The following STAC2 variants were observed in gnomAD, a reference collection of about 807,000 sequenced individuals.
The protein encoded by STAC2 is SH3 and cysteine-rich domain-containing protein 2.
STAC2 carries 36 observed loss-of-function variants against 49.0 expected under a neutral mutation model. The ratio of observed to expected loss-of-function variants is 0.74; its 90% confidence interval spans 0.56 to 0.97. STAC2 has a LOEUF of 0.97. Among genes scored for constraint, STAC2 ranks in the 50% least tolerant of loss-of-function variants. The pLI is 0.00. For synonymous variants in STAC2, 239 were observed against 214.7 expected (o/e 1.11, Z -0.99); for missense variants, 527 against 543.8 (o/e 0.97, Z 0.31).
chr17:39,223,456 G>C (rs960116445), intron 1 of STAC2, among the ~76,000 whole-genome samples: 7 of 152,210 alleles, frequency 4.6e-5, no homozygotes, highest in Non-Finnish European at 2.9e-5. Context: ...TGACACAGAA[G>C]GGCCGGATCA....
intron 2 of STAC2, 98 bp downstream of exon 2, chr17:39,217,769 A>C: frequency 8.0e-7 from 1 of 1,254,532 alleles, no homozygotes; most frequent in Non-Finnish European, 1.1e-6. Context: ...GGGGCTCCTG[A>C]ACAGCAAGAG....
At chr17:39,224,035 C>A (rs1268816982) in intron 1 of STAC2, among the ~76,000 whole-genome samples, 1 of 152,064 alleles carries the variant, frequency 6.6e-6, no homozygotes, top group Non-Finnish European at 1.5e-5. Flanking sequence ...AATGTGGAGA[C>A]CTGCTGGGTC....
At chr17:39,213,736 G>A (rs192355314) in intron 8 of STAC2, among the ~76,000 whole-genome samples, 178 bp from the exon 9 acceptor site, 2 of 150,676 alleles carry the variant, frequency 1.3e-5, no homozygotes, top group Admixed American at 6.6e-5. Flanking sequence ...GAGTGCAGAG[G>A]CACGATCTTG....
Position 39,216,914 on chromosome 17 carries a change from G to A in STAC2, c.496-14C>T, listed in dbSNP as rs762751871. On this transcript the variant is annotated splice_polypyrimidine_tract_variant and intron_variant, in intron 3 of 10. Transcript: ENST00000333461. ...GAAGGAGGTGGACTATGGCAAGAGA[G>A]GGCAGAGAGGTTTTGAGGAGGTCAT... 4 of 1,593,346 alleles carry A rather than the reference G, an allele frequency of 2.5e-6. No individual in the cohort carries two copies. The highest frequency in any genetic ancestry group is 3.6e-5 in the Admixed American group (2 of 56,114).
At chr17:39,220,332 T>C (rs554266000) in intron 1 of STAC2, among the ~76,000 whole-genome samples, 1 of 152,264 alleles carries the variant, frequency 6.6e-6, no homozygotes, top group Admixed American at 6.5e-5. Context: ...CACTGTTCTG[T>C]CCAGGGACCT....
chr17:39,220,776 ATTTTTAT>A (rs1567834137), intron 1 of STAC2, among the ~76,000 whole-genome samples: 1 of 142,312 alleles, frequency 7.0e-6, no homozygotes, highest in African/African-American at 2.6e-5. Flanking sequence ...CCGGCCTATC[ATTTTTAT>A]TTTTTATTTT....
chr17:39,221,580 AG>A (rs2046463291), intron 1 of STAC2, among the ~76,000 whole-genome samples: 3 of 152,228 alleles, frequency 2.0e-5, no homozygotes, highest in African/African-American at 7.2e-5. Flanking sequence ...TTTTCAGATG[AG>A]GAACTGAGGC....
At chr17:39,212,555 G>A (rs550316149) in intron 10 of STAC2, among the ~76,000 whole-genome samples, 159 bp from the exon 11 acceptor site, 11 of 152,304 alleles carry the variant, frequency 7.2e-5, no homozygotes, top group African/African-American at 2.2e-4. Context: ...GATCCCAGGA[G>A]TGTAGAGGCC....
intron 4 of STAC2, among the ~76,000 whole-genome samples, chr17:39,215,715 T>C (rs1387371601): frequency 2.0e-5 from 3 of 152,192 alleles, no homozygotes; most frequent in African/African-American, 7.2e-5. Flanking sequence ...TTTTTTCTTT[T>C]TTTTTCGAGA....
rs796809693 is a variant in STAC2 at position 39,216,945 on chromosome 17, A to G, written c.496-45T>C. 2.8e-5 allele frequency: 44 copies of G among 1,582,082 alleles called. 1 individual carries two copies. The African/African-American group carries it at 3.2e-4, about 12-fold the overall frequency. ...AGAGGTTTTGAGGAGGTCATGGCCTATGGAGAACTTGGTCCTTCCCAAGCC... is the reference window on the plus strand; with the variant it reads ...AGAGGTTTTGAGGAGGTCATGGCCTGTGGAGAACTTGGTCCTTCCCAAGCC... On this transcript the variant is annotated intron_variant, in intron 3 of 10. Coordinates refer to ENST00000333461, the MANE Select transcript of STAC2 (RefSeq NM_198993.5).
chr17:39,223,733 C>T (rs2046484021), intron 1 of STAC2, among the ~76,000 whole-genome samples: 1 of 152,194 alleles, frequency 6.6e-6, no homozygotes, highest in South Asian at 2.1e-4. Context: ...GCCTGGGAGG[C>T]CCCCAAGCCC....
chr17:39,216,806 T>C lies in STAC2; in HGVS notation c.586+4A>G, dbSNP rs1263902321. 1 of 1,583,180 alleles carries C rather than the reference T, an allele frequency of 6.3e-7. No individual in the cohort carries two copies. On this transcript the variant is annotated splice_donor_region_variant and intron_variant, in intron 4 of 10. Transcript: ENST00000333461. ...CAGGGACTGCGGCCAGGGGGGGCACTCACCAGTGGGTGGGGACTCTTTGCT... is the reference window on the plus strand; with the variant it reads ...CAGGGACTGCGGCCAGGGGGGGCACCCACCAGTGGGTGGGGACTCTTTGCT...
Position 39,225,600 on chromosome 17 carries a change from T to C in STAC2, c.-98A>G. ...GGCGTCTCCGGGACTCTGAAGCCGT[T>C]CTCCAGAGGCTGCCCCCAGTTAGCC... On this transcript the variant is annotated 5_prime_UTR_variant, in exon 1 of 11. Transcript: ENST00000333461. This position sits in a 1 kb window ranked among gnomAD's most constrained non-coding sequence, Gnocchi z 8.2. 2.6e-6 allele frequency: 3 copies of C among 1,162,554 alleles called. No individual in the cohort carries two copies. The highest frequency in any genetic ancestry group is 2.5e-6 in the Non-Finnish European group (2 of 801,700). 72.0% of individuals were successfully genotyped at this position (1,162,554 alleles called of 1,614,324 possible). A position where few individuals can be genotyped will look rare whatever the true frequency, so the allele number is the denominator to read the frequency against.
In STAC2 at chr17:39,216,873, A is replaced by G. The variant is rs1346437811; in HGVS notation, c.523T>C (p.Ser175Pro). 6.2e-7 allele frequency: 1 copy of G among 1,604,628 alleles called. No individual in the cohort carries two copies. The highest frequency in any genetic ancestry group is 8.5e-7 in the Non-Finnish European group (1 of 1,175,840). ...GGCGGCTCATGCACCAGGAGAGGGG[A>G]ACTGAAGTTGCGGCGGAAGGAGGTG... ...TSTSFRRNFS[S>P]PLLVHEPPPV... Residue 175 changes from serine (S) to proline (P), a missense_variant, in exon 4 of 11, where the codon TCC becomes CCC. Coordinates refer to ENST00000333461, the MANE Select transcript of STAC2 (RefSeq NM_198993.5).
At chr17:39,217,318 T>C (rs2046414637) in intron 2 of STAC2, 145 bp from the exon 3 acceptor site, 1 of 730,754 alleles carries the variant, frequency 1.4e-6, no homozygotes, top group South Asian at 1.7e-5. Flanking sequence ...ACAGTCAGGG[T>C]ATGAGGGAGC....
chr17:39,218,058 G>C lies in STAC2; in HGVS notation c.206C>G (p.Thr69Arg). ...ELKCPTEVLLTPPTPLPPPSP... is the reference protein window; with the variant it reads ...ELKCPTEVLLRPPTPLPPPSP... Reference sequence around the variant, plus strand: ...GGGAGGGGGCAGTGGGGTTGGGGGCGTCAGCAGCACCTCGGTGGGGCACTT... The same window carrying C: ...GGGAGGGGGCAGTGGGGTTGGGGGCCTCAGCAGCACCTCGGTGGGGCACTT... The change falls in exon 2 of 11, where the codon ACG becomes AGG. Residue 69 changes from threonine (T) to arginine (R), a missense_variant. By Grantham distance (71) the Thr-to-Arg change is moderately conservative (BLOSUM62 -1). Coordinates refer to ENST00000333461, the MANE Select transcript of STAC2 (RefSeq NM_198993.5). 6.2e-7 allele frequency: 1 copy of C among 1,610,524 alleles called. No individual in the cohort carries two copies. Among genetic ancestry groups the C allele is most frequent in the Non-Finnish European group, 8.5e-7 (1 of 1,179,452 alleles).
Position 39,215,160 on chromosome 17 carries a change from G to T in STAC2, c.657C>A (p.Arg219=), listed in dbSNP as rs764864093. 6.2e-7 allele frequency: 1 copy of T among 1,614,080 alleles called. No homozygotes were observed. The highest frequency in any genetic ancestry group is 1.1e-5 in the South Asian group (1 of 91,078). ...RYGTSLALMN[R]SSFSSTSESP... ...ACTCAGAGGTGCTGCTGAAACTGGA[G>T]CGGTTCATCAGTGCCAGGGAGGTGC... The change falls in exon 5 of 11, where the codon CGC becomes CGA. Residue 219 remains arginine, a synonymous_variant. Coordinates refer to ENST00000333461, the MANE Select transcript of STAC2 (RefSeq NM_198993.5).
Position 39,225,761 on chromosome 17 carries a change from T to C in STAC2, c.-259A>G, listed in dbSNP as rs2046508564. ...AGGACCGAGGGTCTGCAGAGGATGC[T>C]GCTCGCAGCGCGGGGAGGAGGGAAG... On this transcript the variant is annotated 5_prime_UTR_variant, in exon 1 of 11. Transcript: ENST00000333461. This position sits in a 1 kb window ranked among gnomAD's most constrained non-coding sequence, Gnocchi z 8.2. 4.0e-6 allele frequency: 2 copies of C among 504,476 alleles called. No homozygotes were observed. The highest frequency in any genetic ancestry group is 3.6e-5 in the Admixed American group (1 of 27,796). 31.2% of individuals were successfully genotyped at this position (504,476 alleles called of 1,614,324 possible).
Position 39,225,553 on chromosome 17 carries a change from C to T in STAC2, c.-51G>A, listed in dbSNP as rs376996707. 8 of 1,566,542 alleles carry T rather than the reference C, an allele frequency of 5.1e-6. No homozygotes were observed. The highest frequency in any genetic ancestry group is 7.0e-6 in the Non-Finnish European group (8 of 1,145,298). ...TGCCGAGATCCGACGGCAGGCCCACCGCGGGCAGGCTGCGGGTGGCGGGCG... is the reference window on the plus strand; with the variant it reads ...TGCCGAGATCCGACGGCAGGCCCACTGCGGGCAGGCTGCGGGTGGCGGGCG... On this transcript the variant is annotated 5_prime_UTR_variant, in exon 1 of 11. Transcript: ENST00000333461. The surrounding 1 kb of genome is among the most constrained non-coding windows in gnomAD (Gnocchi z 8.2).
Sources: allele counts gnomAD v4.1 joint callset (sites outside exome capture counted in the v4.1 genomes callset), GRCh38; gene constraint gnomAD v4.1.1; non-coding constraint Gnocchi (gnomAD v3.1); transcripts MANE v1.5; gene names NCBI Gene and HGNC (gene_info 2026-07-23, HGNC 2026-07-21).